The following MAP2K3 variants were observed in gnomAD, a reference collection of about 807,000 sequenced individuals.
MAP2K3 encodes the protein mitogen-activated protein kinase kinase 3.
Under a neutral mutation model 46.4 loss-of-function variants are expected in MAP2K3, and 30 were observed. That is an observed-to-expected ratio of 0.65 (90% CI 0.48 to 0.88). The LOEUF (loss-of-function observed/expected upper bound fraction) is 0.88. MAP2K3 is among the 40% of genes least tolerant of loss of function. The probability of loss-of-function intolerance (pLI) is 0.00; values close to 1 mark genes in which losing one functional copy is unlikely to be tolerated. For synonymous variants in MAP2K3, 189 were observed against 176.3 expected, an observed-to-expected ratio of 1.07 and a Z score of -0.57; for missense variants, 380 against 464.5, an observed-to-expected ratio of 0.82 and a Z score of 1.67.
rs1976656849 is a variant in MAP2K3, at chr17:21,302,364, C to CT, written c.516+106dup. The CT allele has an allele frequency of 3.0e-6, 4 of 1,326,902 alleles. No individual in the cohort carries two copies. The South Asian group carries it at 4.9e-5, about 16-fold the overall frequency. 82.2% of individuals were successfully genotyped at this position (1,326,902 alleles called of 1,614,324 possible). ...CCTATTGATGGTGTCTTGGGCAGAG[C>CT]TGGGCATCAATGTGCCCCCTGAACC... is the stretch of plus-strand genomic sequence containing the variant. On this transcript the variant is annotated intron_variant, in intron 6 of 11. Coordinates refer to ENST00000342679, the MANE Select transcript of MAP2K3 (RefSeq NM_145109.3).
At chr17:21,311,069 G>A (rs1054813664) in intron 9 of MAP2K3, among the ~76,000 whole-genome samples, 5 of 152,140 alleles carry the variant, frequency 3.3e-5, no homozygotes, top group Non-Finnish European at 5.9e-5. Context: ...GCACACACAC[G>A]CAGTGGGCCC....
intron 1 of MAP2K3, among the ~76,000 whole-genome samples, chr17:21,297,328 G>T (rs1326124280): frequency 6.6e-6 from 1 of 152,304 alleles, no homozygotes; most frequent in East Asian, 1.9e-4. Context: ...AGTACCAGCA[G>T]CCAGGGTGAG....
chr17:21,312,505 A>G (rs1977212883), intron 10 of MAP2K3, among the ~76,000 whole-genome samples: 1 of 152,250 alleles, frequency 6.6e-6, no homozygotes. Flanking sequence ...CAAATCAGAT[A>G]GACTGAAAAA....
At position 21,307,364 on chromosome 17, in the gene MAP2K3, G is replaced by C. The variant is rs1434554490; in HGVS notation, c.774+2236G>C. On this transcript the variant is annotated intron_variant, in intron 9 of 11. Transcript: ENST00000342679. ...AATTCCTTTTTATGCCACGGGGGTGGAGAAGACTGGAGCAGGTAGGGGTGG... is the reference window on the plus strand; with the variant it reads ...AATTCCTTTTTATGCCACGGGGGTGCAGAAGACTGGAGCAGGTAGGGGTGG... 4.6e-5 allele frequency among the ~76,000 whole-genome samples: 7 copies of C among 152,400 alleles called. No individual in the cohort carries two copies. The East Asian group carries it at 9.6e-4, about 21-fold the overall frequency.
At chr17:21,294,099 C>T (rs1489579663) in intron 1 of MAP2K3, among the ~76,000 whole-genome samples, 1 of 152,308 alleles carries the variant, frequency 6.6e-6, no homozygotes, top group African/African-American at 2.4e-5. Flanking sequence ...AAAGCCTGTG[C>T]CCACTTCTCG....
intron 4 of MAP2K3, 53 bp downstream of exon 4, chr17:21,300,711 G>T: frequency 6.3e-7 from 1 of 1,594,920 alleles, no homozygotes; most frequent in South Asian, 1.1e-5. Flanking sequence ...GGCGGGCTGA[G>T]CTCTGCCATG....
At chr17:21,313,470 C>T (rs1260982447) in intron 10 of MAP2K3, 22 bp from the exon 11 acceptor site, 1 of 1,610,802 alleles carries the variant, frequency 6.2e-7, no homozygotes, top group South Asian at 1.1e-5. Flanking sequence ...AGCCTGGCCA[C>T]AGCTGCACTA....
intron 1 of MAP2K3, among the ~76,000 whole-genome samples, chr17:21,289,609 G>A (rs1975827021): frequency 6.6e-6 from 1 of 152,210 alleles, no homozygotes; most frequent in African/African-American, 2.4e-5. Flanking sequence ...TCCTGGCGCT[G>A]CCCACCTCCA....
chr17:21,292,473 C>T (rs1181303821), intron 1 of MAP2K3, among the ~76,000 whole-genome samples: 2 of 152,422 alleles, frequency 1.3e-5, no homozygotes, highest in East Asian at 1.9e-4. Context: ...CCTCCCACCT[C>T]AGCCTCCCAG....
chr17:21,308,439 C>G lies in MAP2K3; in HGVS notation c.774+3311C>G, dbSNP rs8077751. 8.8e-3 allele frequency among the ~76,000 whole-genome samples: 1,337 copies of G among 151,968 alleles called. 1 individual carries two copies. The highest frequency in any genetic ancestry group is 0.031 in the African/African-American group (1,267 of 41,362). On this transcript the variant is annotated intron_variant, in intron 9 of 11. Transcript: ENST00000342679. ...TTGGGATTACAGGCGTGAACCACCA[C>G]GCCCAGCCTTGAGCCACTGCGCCTG... is the stretch of plus-strand genomic sequence containing the variant.
intron 1 of MAP2K3, chr17:21,296,163 A>G: frequency 7.8e-7 from 1 of 1,289,618 alleles, no homozygotes; most frequent in Non-Finnish European, 1.0e-6. Flanking sequence ...TGTGCTGAGC[A>G]CCTTGCAGAC....
intron 1 of MAP2K3, among the ~76,000 whole-genome samples, chr17:21,290,298 G>T (rs370052754): frequency 6.6e-6 from 1 of 152,200 alleles, no homozygotes; most frequent in Non-Finnish European, 1.5e-5. Flanking sequence ...TGCCCAGGAC[G>T]GCTCTGGGTA....
intron 5 of MAP2K3, among the ~76,000 whole-genome samples, chr17:21,301,407 G>A (rs1338000795): frequency 6.6e-6 from 1 of 152,312 alleles, no homozygotes; most frequent in African/African-American, 2.4e-5. Flanking sequence ...TGGGGTGTGT[G>A]CTGAGAGAGT....
intron 9 of MAP2K3, among the ~76,000 whole-genome samples, chr17:21,309,593 A>C (rs1977066547): frequency 6.6e-6 from 1 of 151,898 alleles, no homozygotes; most frequent in Non-Finnish European, 1.5e-5. Flanking sequence ...AATTTAGAGA[A>C]ATACAAACAA....
At chr17:21,309,667 G>A (rs1432032177) in intron 9 of MAP2K3, among the ~76,000 whole-genome samples, 1 of 152,042 alleles carries the variant, frequency 6.6e-6, no homozygotes, top group Non-Finnish European at 1.5e-5. Flanking sequence ...ATGCTGGAGC[G>A]CGGTGGTGCG....
At chr17:21,291,192 CG>C (rs1352859624) in intron 1 of MAP2K3, among the ~76,000 whole-genome samples, 1 of 146,524 alleles carries the variant, frequency 6.8e-6, no homozygotes, top group East Asian at 2.0e-4. Flanking sequence ...TGCAGTGAGC[CG>C]GGATCGCACC....
intron 9 of MAP2K3, 34 bp from the exon 10 acceptor site, chr17:21,312,108 G>T (rs1977189558): frequency 6.7e-7 from 1 of 1,492,092 alleles, no homozygotes. Context: ...TTGTATCTGG[G>T]GCCGGGGCCT....
chr17:21,290,308 A>G (rs1597799306), intron 1 of MAP2K3, among the ~76,000 whole-genome samples: 1 of 152,188 alleles, frequency 6.6e-6, no homozygotes, highest in African/African-American at 2.4e-5. Flanking sequence ...GGCTCTGGGT[A>G]TGGGGATGGA....
At chr17:21,313,183 A>G (rs1795869511) in intron 10 of MAP2K3, among the ~76,000 whole-genome samples, 2 of 152,200 alleles carry the variant, frequency 1.3e-5, no homozygotes, top group South Asian at 4.1e-4. Flanking sequence ...GATTGAGGAT[A>G]CCAAGTGTGT....
Sources: allele counts gnomAD v4.1 joint callset (sites outside exome capture counted in the v4.1 genomes callset), GRCh38; gene constraint gnomAD v4.1.1; transcripts MANE v1.5; gene names NCBI Gene and HGNC (gene_info 2026-07-23, HGNC 2026-07-21).